The following FAM193B variants were observed in gnomAD, a reference collection of about 807,000 sequenced individuals.
FAM193B encodes family with sequence similarity 193 member B, also known as protein FAM193B.
A neutral mutation model predicts 70.7 loss-of-function variants in FAM193B; 27 were observed. That is an observed-to-expected ratio of 0.38 (90% confidence interval 0.28 to 0.53). FAM193B has a LOEUF of 0.53. FAM193B is among the 20% of genes least tolerant of loss of function. The pLI, the probability that FAM193B is intolerant of heterozygous loss-of-function variation, is 0.81. For synonymous variants in FAM193B, 448 were observed against 436.0 expected, an observed-to-expected ratio of 1.03 and a Z score of -0.34; for missense variants, 1,022 against 1,072.5, an observed-to-expected ratio of 0.95 and a Z score of 0.66.
At chr5:177,553,467 C>G in intron 1 of FAM193B, 3 of 1,107,578 alleles carry the variant, frequency 2.7e-6, no homozygotes, top group Non-Finnish European at 3.3e-6. Context: ...CCATGTCACC[C>G]CCGCCTCTCA....
intron 4 of FAM193B, among the ~76,000 whole-genome samples, chr5:177,534,013 C>G (rs1309330445): frequency 6.6e-6 from 1 of 152,208 alleles, no homozygotes; most frequent in Non-Finnish European, 1.5e-5. Flanking sequence ...GAGCTGAAGC[C>G]TTAGGCTGGG....
rs111773495 is a variant in FAM193B, at chr5:177,520,390, T to A, written c.*2-209A>T. Reference sequence around the variant, plus strand: ...GGGAGACAGAGCCCCAGTCCCAGGATCCTGACAAGGTGGGGGACAATCCTT... The same window carrying A: ...GGGAGACAGAGCCCCAGTCCCAGGAACCTGACAAGGTGGGGGACAATCCTT... On this transcript the variant is annotated intron_variant, in intron 8 of 8. Transcript: ENST00000514747. Among the ~76,000 whole-genome samples, 10 of 152,330 alleles carry A rather than the reference T, an allele frequency of 6.6e-5. 1 individual carries two copies. The highest frequency in any genetic ancestry group is 2.4e-4 in the African/African-American group (10 of 41,576).
intron 5 of FAM193B, among the ~76,000 whole-genome samples, chr5:177,527,670 G>T (rs947959907): frequency 1.3e-5 from 2 of 152,230 alleles, no homozygotes; most frequent in African/African-American, 4.8e-5. Flanking sequence ...GAGGCTTAGA[G>T]GTTAAGTGAT....
intron 1 of FAM193B, among the ~76,000 whole-genome samples, chr5:177,540,442 C>T (rs1186920886): frequency 6.6e-6 from 1 of 152,158 alleles, no homozygotes; most frequent in Non-Finnish European, 1.5e-5. Flanking sequence ...TTTGTATCTG[C>T]CCCCACTCTG....
chr5:177,541,407 T>G (rs1235507928), intron 1 of FAM193B, among the ~76,000 whole-genome samples: 1 of 152,196 alleles, frequency 6.6e-6, no homozygotes, highest in Non-Finnish European at 1.5e-5. Flanking sequence ...TGTATAGTTA[T>G]TCTCGAAATT....
At chr5:177,531,515 C>T (rs780946924) in intron 5 of FAM193B, 11 of 429,816 alleles carry the variant, frequency 2.6e-5, no homozygotes, top group Admixed American at 5.0e-5. Context: ...GTCGGGGCAG[C>T]GGGTGGCTGG....
chr5:177,530,716 GC>G (rs891235858), intron 5 of FAM193B, among the ~76,000 whole-genome samples: 1 of 152,132 alleles, frequency 6.6e-6, no homozygotes. Context: ...GGCCTCAGAG[GC>G]CCTCCCTCAA....
chr5:177,523,560 C>T (rs1483969988), intron 7 of FAM193B, among the ~76,000 whole-genome samples: 1 of 152,260 alleles, frequency 6.6e-6, no homozygotes, highest in African/African-American at 2.4e-5. Context: ...GCCCCCACCC[C>T]TTCTATCCTC....
intron 5 of FAM193B, among the ~76,000 whole-genome samples, chr5:177,530,497 C>T (rs886729403): frequency 1.4e-4 from 21 of 152,346 alleles, no homozygotes; most frequent in Admixed American, 1.3e-3. Context: ...CTCTCTTCTT[C>T]TCTGGCCCCA....
At chr5:177,542,031 C>T (rs1764920396) in intron 1 of FAM193B, among the ~76,000 whole-genome samples, 2 of 152,194 alleles carry the variant, frequency 1.3e-5, no homozygotes, top group Non-Finnish European at 2.9e-5. Context: ...TATTTTCTAT[C>T]CACAATTGGT....
chr5:177,553,686 C>G, intron 1 of FAM193B: 1 of 1,287,642 alleles, frequency 7.8e-7, no homozygotes, highest in Non-Finnish European at 1.0e-6. Context: ...CACCTCAGTG[C>G]AGAAACCCCA....
chr5:177,523,792 C>T (rs1038822895), intron 7 of FAM193B, among the ~76,000 whole-genome samples, 165 bp downstream of exon 7: 5 of 152,242 alleles, frequency 3.3e-5, no homozygotes, highest in East Asian at 3.8e-4. Context: ...CGTGGGTTTT[C>T]AGCAGGCAGG....
rs1034038108 is a variant in FAM193B at position 177,525,021 on chromosome 5, C to T, written c.1460G>A (p.Arg487His). The T allele has an allele frequency of 1.9e-5, 29 of 1,557,738 alleles. No homozygotes were observed. Among genetic ancestry groups the T allele is most frequent in the Admixed American group, 4.0e-5 (2 of 49,690 alleles). The change falls in exon 6 of 9, where the codon CGT becomes CAT. Residue 487 changes from arginine to histidine, a missense_variant. By Grantham distance (29) the Arg-to-His change is conservative. Coordinates refer to ENST00000514747, the MANE Select transcript of FAM193B (RefSeq NM_001190946.3). ...GAGCTCACACACACTGAAGCTGGCA[C>T]GGATGGAGTCTTTGACAGTGTTTTT... ...EIKNTVKDSIRASFSVCELSM... is the reference protein window; with the variant it reads ...EIKNTVKDSIHASFSVCELSM...
At position 177,538,090 on chromosome 5, in the gene FAM193B, T is replaced by C. The variant is rs1416299656; in HGVS notation, c.471A>G (p.Thr157=). The change falls in exon 3 of 9, where the codon ACA becomes ACG. Residue 157 remains threonine, a synonymous_variant. Coordinates refer to ENST00000514747, the MANE Select transcript of FAM193B (RefSeq NM_001190946.3). The surrounding 1 kb of genome is among the most constrained non-coding windows in gnomAD (Gnocchi z 4.1). Reference sequence around the variant, plus strand: ...CTCCACAAGACTGTGATTTGCAGGATGTGTGTGACAAGGAGATCTGGAGAA... The same window carrying C: ...CTCCACAAGACTGTGATTTGCAGGACGTGTGTGACAAGGAGATCTGGAGAA... ...EHAVAISLSH[T]SCKSQSCGDD... 3.2e-6 allele frequency: 5 copies of C among 1,544,280 alleles called. No homozygotes were observed. Among genetic ancestry groups the C allele is most frequent in the Non-Finnish European group, 4.4e-6 (5 of 1,140,604 alleles).
chr5:177,536,320 A>G, intron 4 of FAM193B, 38 bp downstream of exon 4: 1 of 1,599,252 alleles, frequency 6.3e-7, no homozygotes, highest in Non-Finnish European at 8.5e-7. Context: ...TCTAAGTTCA[A>G]GTGGGTAGCG....
intron 7 of FAM193B, among the ~76,000 whole-genome samples, chr5:177,523,697 T>C (rs1762119621): frequency 6.6e-6 from 1 of 152,232 alleles, no homozygotes; most frequent in South Asian, 2.1e-4. Flanking sequence ...CAAATAAAGC[T>C]GGAAAAAGCC....
intron 5 of FAM193B, chr5:177,531,816 G>A (rs1763508282): frequency 9.4e-7 from 1 of 1,069,058 alleles, no homozygotes; most frequent in Non-Finnish European, 1.2e-6. Flanking sequence ...GAGTCACCGA[G>A]TCTTTGTGAG....
chr5:177,550,463 T>C (rs1766063397), intron 1 of FAM193B, among the ~76,000 whole-genome samples: 1 of 152,250 alleles, frequency 6.6e-6, no homozygotes, highest in South Asian at 2.1e-4. Context: ...TTAAAGATAC[T>C]GACTAATCAT....
chr5:177,552,108 T>C (rs952244871), intron 1 of FAM193B: 72 of 975,928 alleles, frequency 7.4e-5, no homozygotes, highest in Non-Finnish European at 8.4e-5. Flanking sequence ...AATGTTTAGT[T>C]GCTCTGAGTT....
Sources: allele counts gnomAD v4.1 joint callset (sites outside exome capture counted in the v4.1 genomes callset), GRCh38; gene constraint gnomAD v4.1.1; non-coding constraint Gnocchi (gnomAD v3.1); transcripts MANE v1.5; gene names NCBI Gene and HGNC (gene_info 2026-07-23, HGNC 2026-07-21).